Variants in STAB1 observed in about 807,000 individuals in gnomAD.
The protein encoded by STAB1 is stabilin-1.
STAB1 carries 250 observed loss-of-function variants against 332.4 expected under a neutral mutation model. The ratio of observed to expected loss-of-function variants is 0.75; its 90% CI spans 0.68 to 0.84. STAB1 has a LOEUF of 0.84. Among genes scored for constraint, STAB1 ranks in the 40% least tolerant of loss-of-function variants. The pLI, the probability that STAB1 is intolerant of heterozygous loss-of-function variation, is 0.00. For synonymous variants in STAB1, 1,475 were observed against 1,390.4 expected (o/e 1.06, Z -1.35); for missense variants, 3,249 against 3,489.7 (o/e 0.93, Z 1.74).
chr3:52,497,605 G>A (rs1291336621), intron 1 of STAB1, among the ~76,000 whole-genome samples: 2 of 151,736 alleles, frequency 1.3e-5, no homozygotes, highest in Admixed American at 1.3e-4. Context: ...TAGAGACAGG[G>A]TTTCTCCATG....
chr3:52,515,291 G>C (rs1243216762), intron 36 of STAB1, 132 bp from the exon 37 acceptor site: 1 of 951,144 alleles, frequency 1.1e-6, no homozygotes, highest in Non-Finnish European at 1.6e-6. Context: ...TGCCTGTCTT[G>C]GTCCCTCTCT....
chr3:52,509,792 T>A, intron 22 of STAB1, 78 bp from the exon 23 acceptor site: 1 of 1,539,722 alleles, frequency 6.5e-7, no homozygotes, highest in Non-Finnish European at 8.9e-7. Context: ...ACTCCCTATA[T>A]CCCCCAAACC....
intron 11 of STAB1, 33 bp downstream of exon 11, chr3:52,504,582 G>A (rs2153233108): frequency 6.2e-7 from 1 of 1,613,266 alleles, no homozygotes; most frequent in East Asian, 2.2e-5. Flanking sequence ...GCTGGCCACT[G>A]GCCCTCACCT....
At position 52,517,020 on chromosome 3, in the gene STAB1, C is replaced by T. The variant is rs776759905; in HGVS notation, c.4400C>T (p.Ser1467Phe). The T allele has an allele frequency of 3.1e-6, 5 of 1,608,196 alleles. No individual in the cohort carries two copies. The highest frequency in any genetic ancestry group is 1.1e-5 in the South Asian group (1 of 90,380). Residue 1467 changes from serine (S) to phenylalanine (F), a missense_variant, in exon 42 of 69, where the codon TCC becomes TTC. Coordinates refer to ENST00000321725, the MANE Select transcript of STAB1 (RefSeq NM_015136.3). ...TGCGCCCACGGCCATGGGGGCTGCT[C>T]CCCTCATGCCAACTGTACCAAGGTG... ...DPCAHGHGGC[S>F]PHANCTKVAP... is the part of the protein sequence containing the mutation.
intron 37 of STAB1, 46 bp from the exon 38 acceptor site, chr3:52,515,997 C>T: frequency 2.6e-6 from 4 of 1,531,094 alleles, no homozygotes; most frequent in Non-Finnish European, 3.5e-6. Flanking sequence ...CCCCCTGACA[C>T]CTTGCTGGGC....
chr3:52,500,790 C>T (rs1416595568), intron 1 of STAB1, among the ~76,000 whole-genome samples: 1 of 152,234 alleles, frequency 6.6e-6, no homozygotes, highest in Non-Finnish European at 1.5e-5. Flanking sequence ...TGGGTAGCGG[C>T]CATGTCCTGG....
Position 52,513,773 on chromosome 3 carries a change from T to C in STAB1, c.3327T>C (p.Gly1109=). ...VDVADLLATN[G]VLHILSQVLL... ...TGGCTGACCTCCTTGCCACCAACGG[T>C]GTCCTACACATCCTCAGCCAGGTAC... Residue 1109 remains glycine (G), a synonymous_variant, in exon 31 of 69, where the codon GGT becomes GGC. Coordinates refer to ENST00000321725, the MANE Select transcript of STAB1 (RefSeq NM_015136.3). 1.2e-6 allele frequency: 2 copies of C among 1,613,316 alleles called. No homozygotes were observed. The highest frequency in any genetic ancestry group is 4.5e-5 in the East Asian group (2 of 44,874).
At chr3:52,495,549 G>GGAA in intron 1 of STAB1, 58 bp downstream of exon 1, 3 of 1,256,150 alleles carry the variant, frequency 2.4e-6, no homozygotes, top group Non-Finnish European at 3.0e-6. Context: ...GCCAGCGGTG[G>GGAA]GAACAGGGAG....
At chr3:52,498,261 G>C (rs547300474) in intron 1 of STAB1, among the ~76,000 whole-genome samples, 4 of 152,226 alleles carry the variant, frequency 2.6e-5, no homozygotes, top group South Asian at 2.1e-4. Context: ...AGGTCTGCGG[G>C]GGGTGTGGGG....
At position 52,503,453 on chromosome 3, in the gene STAB1, G is replaced by A; in HGVS notation, c.804G>A (p.Met268Ile). 1 of 1,613,842 alleles carries A rather than the reference G, an allele frequency of 6.2e-7. No individual in the cohort carries two copies. The highest frequency in any genetic ancestry group is 8.5e-7 in the Non-Finnish European group (1 of 1,180,026). The change falls in exon 8 of 69, where the codon ATG becomes ATA. Residue 268 changes from methionine to isoleucine, a missense_variant. Transcript: ENST00000321725. ...HCPENYHGDGMVCLPKDPCTD... is the reference protein window; with the variant it reads ...HCPENYHGDGIVCLPKDPCTD... ...CTGAGAACTACCATGGCGATGGGAT[G>A]GTGTGTCTGCCCAAGGACCCATGCA...
chr3:52,496,084 A>G (rs2153232245), intron 1 of STAB1, among the ~76,000 whole-genome samples: 1 of 152,322 alleles, frequency 6.6e-6, no homozygotes, highest in Non-Finnish European at 1.5e-5. Flanking sequence ...CCTCCTCGTG[A>G]GGAACCCGAA....
intron 43 of STAB1, 73 bp from the exon 44 acceptor site, chr3:52,517,477 G>A: frequency 1.3e-6 from 2 of 1,592,836 alleles, no homozygotes; most frequent in East Asian, 4.5e-5. Flanking sequence ...CCGGGGAGGG[G>A]GGTGACCCTT....
In STAB1 at chr3:52,514,161, T is replaced by TC; in HGVS notation, c.3495dup (p.Phe1166LeufsTer63). The TC allele has an allele frequency of 6.2e-7, 1 of 1,613,372 alleles. No individual in the cohort carries two copies. Among genetic ancestry groups the TC allele is most frequent in the Non-Finnish European group, 8.5e-7 (1 of 1,179,978 alleles). On this transcript the variant is annotated frameshift_variant, in exon 33 of 69. Transcript: ENST00000321725. LOFTEE classifies it high-confidence loss of function. ...ATTGAGGCTGCCACTGCCTACACCA[T>TC]CTTTGTGCCCACCAACCGCTCCCTG...
chr3:52,505,500 A>G (rs2153233165), intron 14 of STAB1, 119 bp downstream of exon 14: 1 of 1,243,842 alleles, frequency 8.0e-7, no homozygotes, highest in East Asian at 2.5e-5. Context: ...GCCTCTGCCC[A>G]TGCCCCCGTC....
chr3:52,495,430 G>A lies in STAB1; in HGVS notation c.17G>A (p.Gly6Asp). 2 of 1,340,904 alleles carry A rather than the reference G, an allele frequency of 1.5e-6. No individual in the cohort carries two copies. The highest frequency in any genetic ancestry group is 9.6e-7 in the Non-Finnish European group (1 of 1,039,366). 83.1% of individuals were successfully genotyped at this position (1,340,904 alleles called of 1,614,324 possible). The change falls in exon 1 of 69, where the codon GGC becomes GAC. Residue 6 changes from glycine to aspartate, a missense_variant. Gly to Asp is a moderately conservative substitution (Grantham distance 94). Transcript: ENST00000321725. ...CCACCAGCCATGGCGGGGCCCCGGG[G>A]CCTCCTCCCACTCTGCCTCCTGGCC... is the stretch of plus-strand genomic sequence containing the variant. MAGPR[G>D]LLPLCLLAFC...
rs762752083 is a variant in STAB1, at chr3:52,502,023, G to T, written c.349G>T (p.Glu117Ter). 11 of 1,612,712 alleles carry T rather than the reference G, an allele frequency of 6.8e-6. No individual in the cohort carries two copies. The highest frequency in any genetic ancestry group is 8.5e-6 in the Non-Finnish European group (10 of 1,180,012). Residue 117 changes from glutamate to a stop codon, truncating the protein, a stop_gained, in exon 4 of 69, where the codon GAG (glutamate) becomes TAG (stop). Coordinates refer to ENST00000321725, the MANE Select transcript of STAB1 (RefSeq NM_015136.3). LOFTEE classifies it high-confidence loss of function. ...SRCHECPGGAETPCNGHGTCL... is the reference protein window; with the variant it reads ...SRCHECPGGA ...GTCCACAGAATGCCCTGGGGGCGCT[G>T]AGACCCCATGCAATGGCCACGGGAC...
At chr3:52,496,568 A>G (rs1424479481) in intron 1 of STAB1, among the ~76,000 whole-genome samples, 3 of 152,190 alleles carry the variant, frequency 2.0e-5, no homozygotes, top group Non-Finnish European at 4.4e-5. Flanking sequence ...GGCTGGGGAC[A>G]GGAAGATATG....
chr3:52,512,339 A>T lies in STAB1; in HGVS notation c.2884-2A>T. 1 of 1,612,392 alleles carries T rather than the reference A, an allele frequency of 6.2e-7. No individual in the cohort carries two copies. Among genetic ancestry groups the T allele is most frequent in the Non-Finnish European group, 8.5e-7 (1 of 1,179,602 alleles). On this transcript the variant is annotated splice_acceptor_variant, in intron 26 of 68. Transcript: ENST00000321725. LOFTEE classifies it high-confidence loss of function. ...GGAGGCCCTTTCTCACTCCCACCCCAGGCCACCTGCCGGGCAGTGGGGGGA... is the reference window on the plus strand; with the variant it reads ...GGAGGCCCTTTCTCACTCCCACCCCTGGCCACCTGCCGGGCAGTGGGGGGA...
At chr3:52,520,595 G>C in intron 53 of STAB1, 46 bp downstream of exon 53, 1 of 1,612,794 alleles carries the variant, frequency 6.2e-7, no homozygotes, top group Non-Finnish European at 8.5e-7. Context: ...CCCCGCCTGT[G>C]GTGTCCATCC....
Sources: gnomAD v4.1 joint callset for allele counts (sites outside exome capture counted in the v4.1 genomes callset) on GRCh38, gnomAD v4.1.1 for gene constraint, MANE v1.5 for transcripts, NCBI Gene and HGNC (gene_info 2026-07-23, HGNC 2026-07-21) for gene names.